LRRC7: variants seen among roughly 807,000 people sequenced by gnomAD.
LRRC7 encodes the protein leucine-rich repeat-containing protein 7.
In LRRC7, 23 loss-of-function variants were observed where a neutral mutation model predicts 175.7. The observed-to-expected ratio is 0.13, with a 90% confidence interval of 0.09 to 0.19. LRRC7 has a LOEUF of 0.19. Ranked by LOEUF, LRRC7 falls within the 10% of genes least tolerant of loss-of-function variation. The pLI is 1.00. For synonymous variants in LRRC7, 685 were observed against 680.9 expected (o/e 1.01, Z -0.09); for missense variants, 1,354 against 1,904.7 (o/e 0.71, Z 5.38).
intron 11 of LRRC7, among the ~76,000 whole-genome samples, chr1:70,001,756 A>G (rs994130018): frequency 6.6e-6 from 1 of 152,162 alleles, no homozygotes; most frequent in Non-Finnish European, 1.5e-5. Flanking sequence ...GAACCTTACT[A>G]TGTGCCTGGG....
chr1:69,710,722 C>T (rs1664659639), intron 2 of LRRC7, among the ~76,000 whole-genome samples: 1 of 152,168 alleles, frequency 6.6e-6, no homozygotes, highest in Non-Finnish European at 1.5e-5. Flanking sequence ...GAGTGGCCCT[C>T]TTCCGGATTC....
At chr1:69,659,918 C>T (rs1336163991) in intron 1 of LRRC7, among the ~76,000 whole-genome samples, 1 of 151,456 alleles carries the variant, frequency 6.6e-6, no homozygotes, top group Non-Finnish European at 1.5e-5. Context: ...AAGCAAAATG[C>T]AAAATCTGTA....
chr1:70,108,862 A>G (rs1665322061), intron 26 of LRRC7, among the ~76,000 whole-genome samples: 1 of 152,230 alleles, frequency 6.6e-6, no homozygotes, highest in South Asian at 2.1e-4. Flanking sequence ...CTCCAAGGAG[A>G]TCTTCTATCT....
At chr1:69,761,827 A>T (rs1419241425) in intron 3 of LRRC7, among the ~76,000 whole-genome samples, 1 of 152,036 alleles carries the variant, frequency 6.6e-6, no homozygotes, top group Non-Finnish European at 1.5e-5. Flanking sequence ...TCCCTGACTG[A>T]GAGAACAATG....
intron 2 of LRRC7, among the ~76,000 whole-genome samples, chr1:69,709,574 A>G (rs534423283): frequency 1.3e-5 from 2 of 152,248 alleles, no homozygotes; most frequent in South Asian, 2.1e-4. Context: ...AATTTGTTCA[A>G]TGAATGAATG....
intron 2 of LRRC7, among the ~76,000 whole-genome samples, chr1:69,748,329 C>T (rs1669474209): frequency 6.6e-6 from 1 of 152,084 alleles, no homozygotes; most frequent in South Asian, 2.1e-4. Context: ...AGATGGGTCT[C>T]TTATCATGTG....
At chr1:69,671,671 T>C (rs1198630452) in intron 1 of LRRC7, among the ~76,000 whole-genome samples, 1 of 152,178 alleles carries the variant, frequency 6.6e-6, no homozygotes, top group Admixed American at 6.5e-5. Context: ...TGGAGCTCAA[T>C]TTCCTGCTGC....
At chr1:69,961,466 GA>G (rs1177092586) in intron 8 of LRRC7, among the ~76,000 whole-genome samples, 1 of 152,092 alleles carries the variant, frequency 6.6e-6, no homozygotes, top group African/African-American at 2.4e-5. Flanking sequence ...ATTCTTCGCA[GA>G]ACTAGAAAAA....
chr1:69,618,618 G>T (rs115312129), intron 1 of LRRC7, among the ~76,000 whole-genome samples: 2,355 of 152,184 alleles, frequency 0.015, 21 homozygotes, highest in Middle Eastern at 0.054. Context: ...ATTCCTTCAA[G>T]GCTTCAGATT....
Position 70,128,764 on chromosome 1 carries a change from G to C in LRRC7, c.*6877G>C, listed in dbSNP as rs1364910733. The C allele has an allele frequency of 6.6e-6, 1 of 152,242 alleles. No homozygotes were observed. The highest frequency in any genetic ancestry group is 1.5e-5 in the Non-Finnish European group (1 of 68,052). 9.4% of individuals were successfully genotyped at this position (152,242 alleles called of 1,614,324 possible). A position where few individuals can be genotyped will look rare whatever the true frequency, so the allele number is the denominator to read the frequency against. ...ACAGTCCAGAGGAAAGATGAGAGAA[G>C]TTCCACATCAAAGACAGTACAAGGC... On this transcript the variant is annotated 3_prime_UTR_variant, in exon 27 of 27. Coordinates refer to ENST00000651989, the MANE Select transcript of LRRC7 (RefSeq NM_001370785.2).
At chr1:70,056,403 A>G (rs1052941206) in intron 23 of LRRC7, among the ~76,000 whole-genome samples, 2 of 152,240 alleles carry the variant, frequency 1.3e-5, no homozygotes, top group African/African-American at 4.8e-5. Context: ...ATACTTCACT[A>G]AACATAAGAA....
intron 2 of LRRC7, chr1:69,716,068 T>G (rs890706693): frequency 1.3e-5 from 5 of 399,696 alleles, no homozygotes; most frequent in African/African-American, 1.0e-4. Flanking sequence ...TTGCTTATTA[T>G]GTTCATTTAG....
rs981893942 is a variant in LRRC7 at position 70,038,630 on chromosome 1, G to A, written c.2806G>A (p.Asp936Asn). 6 of 1,614,070 alleles carry A rather than the reference G, an allele frequency of 3.7e-6. 1 individual carries two copies. The South Asian group carries it at 6.6e-5, about 18-fold the overall frequency. ...TCCAGGCGTACCATGGGAGTATCAT[G>A]ATTCCAATCCCAACAGGAGTCTTAG... ...FSPGVPWEYH[D>N]SNPNRSLSNV... Residue 936 changes from aspartate (D) to asparagine (N), a missense_variant, in exon 21 of 27, where the codon GAT (aspartate) becomes AAT (asparagine). Coordinates refer to ENST00000651989, the MANE Select transcript of LRRC7 (RefSeq NM_001370785.2).
At chr1:69,762,383 G>T (rs75228447) in intron 3 of LRRC7, among the ~76,000 whole-genome samples, 1 of 151,994 alleles carries the variant, frequency 6.6e-6, no homozygotes. Flanking sequence ...AGCATTAGAG[G>T]CAAGTGCTCG....
intron 1 of LRRC7, among the ~76,000 whole-genome samples, chr1:69,609,828 A>G (rs1050044100): frequency 3.3e-5 from 5 of 152,136 alleles, no homozygotes; most frequent in Non-Finnish European, 1.5e-5. Flanking sequence ...CATTGTTTAC[A>G]TAGAATAATG....
At chr1:69,658,034 T>C (rs1389216932) in intron 1 of LRRC7, among the ~76,000 whole-genome samples, 2 of 151,936 alleles carry the variant, frequency 1.3e-5, no homozygotes, top group Non-Finnish European at 2.9e-5. Flanking sequence ...CAGCATTTAA[T>C]GGCTCTTACT....
At chr1:69,935,856 A>T (rs188331847) in intron 8 of LRRC7, among the ~76,000 whole-genome samples, 15 of 152,280 alleles carry the variant, frequency 9.9e-5, no homozygotes, top group Admixed American at 9.8e-4. Context: ...TGTGGGTAGC[A>T]CATTTTCTGT....
chr1:69,665,410 A>T (rs1658122410), intron 1 of LRRC7, among the ~76,000 whole-genome samples: 1 of 152,136 alleles, frequency 6.6e-6, no homozygotes, highest in African/African-American at 2.4e-5. Context: ...GGACATTTTT[A>T]CATTGATTGA....
At position 70,036,638 on chromosome 1, in the gene LRRC7, T is replaced by A; in HGVS notation, c.2288+14T>A. On this transcript the variant is annotated intron_variant, in intron 20 of 26. Coordinates refer to ENST00000651989, the MANE Select transcript of LRRC7 (RefSeq NM_001370785.2). ...GTGGGGTAACAGGTGTGTTTAGAAT[T>A]CCCTCCTTTTGTTCCCAAACGTTTA... The A allele has an allele frequency of 6.3e-7, 1 of 1,581,560 alleles. No homozygotes were observed. Among genetic ancestry groups the A allele is most frequent in the Non-Finnish European group, 8.6e-7 (1 of 1,168,304 alleles).
Sources: gnomAD v4.1 joint callset for allele counts (sites outside exome capture counted in the v4.1 genomes callset) on GRCh38, gnomAD v4.1.1 for gene constraint, MANE v1.5 for transcripts, NCBI Gene and HGNC (gene_info 2026-07-23, HGNC 2026-07-21) for gene names.